FGD5: variants seen among roughly 807,000 people sequenced by gnomAD.
FGD5 encodes the protein FYVE, RhoGEF and PH domain containing 5, also known as FYVE, RhoGEF and PH domain-containing protein 5.
FGD5 carries 28 observed loss-of-function variants against 133.4 expected under a neutral mutation model. That is an observed-to-expected ratio of 0.21 (90% CI 0.16 to 0.29). The LOEUF (loss-of-function observed/expected upper bound fraction) is 0.29, where lower values mean the gene tolerates loss of function less well. FGD5 is among the 10% of genes least tolerant of loss of function. The pLI is 1.00. For synonymous variants in FGD5, 810 were observed against 776.5 expected, an observed-to-expected ratio of 1.04 and a Z score of -0.72; for missense variants, 1,858 against 1,895.2, an observed-to-expected ratio of 0.98 and a Z score of 0.36.
chr3:14,924,084 C>G lies in FGD5; in HGVS notation c.4014C>G (p.Ser1338Arg). 6.2e-7 allele frequency: 1 copy of G among 1,614,044 alleles called. No individual in the cohort carries two copies. The highest frequency in any genetic ancestry group is 8.5e-7 in the Non-Finnish European group (1 of 1,179,898). Residue 1338 changes from serine to arginine, a missense_variant, in exon 17 of 20, where the codon AGC (serine) becomes AGG (arginine). Ser to Arg is a moderately radical substitution (Grantham distance 110). Around this residue, in one of 3 missense-constraint regions of FGD5, gnomAD observed 1,824 missense variants for 1,848.9 expected, o/e 0.99. Coordinates refer to ENST00000285046, the MANE Select transcript of FGD5 (RefSeq NM_152536.4). ...SGSAFSSVFQ[S>R]INPSTFKKQK... ...GTGCCTTTTCATCCGTCTTCCAGAG[C>G]ATTAACCCCTCGACCTTCAAGAAGC...
chr3:14,891,745 C>T (rs1440608013), intron 4 of FGD5, among the ~76,000 whole-genome samples: 8 of 152,216 alleles, frequency 5.3e-5, no homozygotes, highest in Admixed American at 3.3e-4. Context: ...TTTTTAAACT[C>T]CACATCTGCT....
In FGD5 at chr3:14,923,140, A is replaced by G. The variant is rs747340294; in HGVS notation, c.3902A>G (p.Lys1301Arg). Reference protein sequence around the residue: ...KVCDGCFGELKKRGRAVPGLM... With the variant: ...KVCDGCFGELRKRGRAVPGLM... ...TGCGACGGCTGCTTCGGGGAGCTGAAGAAGCGGGGCAGGGCTGTCCCGGGC... is the reference window on the plus strand; with the variant it reads ...TGCGACGGCTGCTTCGGGGAGCTGAGGAAGCGGGGCAGGGCTGTCCCGGGC... Residue 1301 changes from lysine (K) to arginine (R), a missense_variant, in exon 16 of 20, where the codon AAG becomes AGG. This residue lies in a region of FGD5 where 1,824 missense variants were observed against 1,848.9 expected (regional missense o/e 0.99). Coordinates refer to ENST00000285046, the MANE Select transcript of FGD5 (RefSeq NM_152536.4). 9.3e-6 allele frequency: 15 copies of G among 1,613,824 alleles called. No homozygotes were observed. The highest frequency in any genetic ancestry group is 1.3e-5 in the Non-Finnish European group (15 of 1,179,860).
chr3:14,877,248 C>G (rs1320397999), intron 2 of FGD5, among the ~76,000 whole-genome samples: 2 of 152,258 alleles, frequency 1.3e-5, no homozygotes, highest in African/African-American at 4.8e-5. Flanking sequence ...GGCACACAGC[C>G]TGCCAGGCCT....
In FGD5 at chr3:14,922,096, C is replaced by G. The variant is rs759773286; in HGVS notation, c.3669+79C>G. 15 of 1,392,574 alleles carry G rather than the reference C, an allele frequency of 1.1e-5. No individual in the cohort carries two copies. The highest frequency in any genetic ancestry group is 4.6e-4 in the Middle Eastern group (2 of 4,342). 86.3% of individuals were successfully genotyped at this position (1,392,574 alleles called of 1,614,324 possible). A position where few individuals can be genotyped will look rare whatever the true frequency, so the allele number is the denominator to read the frequency against. ...CTGGGCGGGCATTGCTGTTGCCACT[C>G]ACACCCAGATGGACGTGTAGCTCCT... is the stretch of plus-strand genomic sequence containing the variant. On this transcript the variant is annotated intron_variant, in intron 14 of 19. Coordinates refer to ENST00000285046, the MANE Select transcript of FGD5 (RefSeq NM_152536.4). The surrounding 1 kb of genome is among the most constrained non-coding windows in gnomAD (Gnocchi z 4.1).
chr3:14,851,583 A>G (rs2037165833), intron 1 of FGD5, among the ~76,000 whole-genome samples: 1 of 152,220 alleles, frequency 6.6e-6, no homozygotes, highest in African/African-American at 2.4e-5. Context: ...AGGCACTTCC[A>G]GTGTCCCAAA....
chr3:14,821,321 G>T lies in FGD5; in HGVS notation c.2250G>T (p.Arg750=). The T allele has an allele frequency of 6.2e-7, 1 of 1,613,914 alleles. No individual in the cohort carries two copies. Among genetic ancestry groups the T allele is most frequent in the Non-Finnish European group, 8.5e-7 (1 of 1,179,892 alleles). ...TGGAGTCCTTTGAAGACCGCTCCCGGCCGCCCTTCCTGCCCTTGCCACTGA... is the reference window on the plus strand; with the variant it reads ...TGGAGTCCTTTGAAGACCGCTCCCGTCCGCCCTTCCTGCCCTTGCCACTGA... ...SRVESFEDRS[R]PPFLPLPLTK... is the part of the protein sequence containing the mutation. Residue 750 remains arginine, a synonymous_variant, in exon 1 of 20, where the codon CGG becomes CGT. Coordinates refer to ENST00000285046, the MANE Select transcript of FGD5 (RefSeq NM_152536.4).
At chr3:14,908,045 C>T (rs2125141306) in intron 10 of FGD5, among the ~76,000 whole-genome samples, 2 of 152,314 alleles carry the variant, frequency 1.3e-5, no homozygotes, top group Middle Eastern at 6.8e-3. Flanking sequence ...AAAATGATCT[C>T]CCAAGAGCAA....
Position 14,910,901 on chromosome 3 carries a change from A to G in FGD5, c.3377A>G (p.Lys1126Arg). ...GGGACGCTGATGAAAGTAACAGGGA[A>G]AAACAGACGGCCCCGGCACCTATTT... ...KEGTLMKVTG[K>R]NRRPRHLFLM... The change falls in exon 11 of 20, where the codon AAA (lysine) becomes AGA (arginine). Residue 1126 changes from lysine (K) to arginine (R), a missense_variant. By Grantham distance (26) the Lys-to-Arg change is conservative (BLOSUM62 2). Around this residue, in one of 3 missense-constraint regions of FGD5, gnomAD observed 1,824 missense variants for 1,848.9 expected, o/e 0.99. Transcript: ENST00000285046. The G allele has an allele frequency of 6.2e-7, 1 of 1,613,448 alleles. No homozygotes were observed. The highest frequency in any genetic ancestry group is 1.3e-5 in the African/African-American group (1 of 75,040).
rs763398706 is a variant in FGD5, at chr3:14,922,555, C to T, written c.3807+7C>T. ...CTGTCACGCCTGTGGCAAGGTGAGT[C>T]GCTGCATCTGGGGTGAGTGTGTGCA... On this transcript the variant is annotated splice_region_variant and intron_variant, in intron 15 of 19. Transcript: ENST00000285046. The surrounding 1 kb of genome is among the most constrained non-coding windows in gnomAD (Gnocchi z 4.1). The T allele has an allele frequency of 2.2e-5, 35 of 1,571,942 alleles. No homozygotes were observed. The highest frequency in any genetic ancestry group is 7.0e-5 in the East Asian group (3 of 42,848).
intron 18 of FGD5, among the ~76,000 whole-genome samples, chr3:14,928,659 C>A (rs942100090): frequency 6.6e-6 from 1 of 152,094 alleles, no homozygotes; most frequent in South Asian, 2.1e-4. Context: ...GCAGGAGAAT[C>A]GTTTGAACCC....
At chr3:14,868,982 TG>T (rs1191799937) in intron 2 of FGD5, among the ~76,000 whole-genome samples, 1 of 151,822 alleles carries the variant, frequency 6.6e-6, no homozygotes, top group Non-Finnish European at 1.5e-5. Flanking sequence ...TGGGATTAGG[TG>T]GTAACAAGTG....
intron 1 of FGD5, among the ~76,000 whole-genome samples, chr3:14,824,232 G>A (rs1026679365): frequency 2.0e-5 from 3 of 152,256 alleles, no homozygotes; most frequent in African/African-American, 7.2e-5. Context: ...ACTTTGGGCT[G>A]GAGCAGGTCT....
chr3:14,815,102 C>G (rs570972270), upstream of FGD5, among the ~76,000 whole-genome samples: 1 of 152,176 alleles, frequency 6.6e-6, no homozygotes, highest in Non-Finnish European at 1.5e-5. Flanking sequence ...ATGTGCATGT[C>G]CCTCTGCTCA....
At chr3:14,931,501 A>G (rs1426581863) in intron 18 of FGD5, 2 of 152,064 alleles carry the variant, frequency 1.3e-5, no homozygotes, top group African/African-American at 4.8e-5. Context: ...ATTCTATTCT[A>G]TACACAAACC....
At chr3:14,860,510 A>G (rs2037377178) in intron 1 of FGD5, among the ~76,000 whole-genome samples, 1 of 152,230 alleles carries the variant, frequency 6.6e-6, no homozygotes, top group Non-Finnish European at 1.5e-5. Flanking sequence ...ATAAAGAAGT[A>G]GAATAAGAGG....
chr3:14,917,905 G>T lies in FGD5; in HGVS notation c.3489+573G>T, dbSNP rs563355242. Among the ~76,000 whole-genome samples the T allele has an allele frequency of 1.1e-4, 16 of 152,150 alleles. No individual in the cohort carries two copies. Among genetic ancestry groups the T allele is most frequent in the Admixed American group, 2.0e-4 (3 of 15,278 alleles). ...TGAATTTGACTACTATGGGTACCTC[G>T]AATGAGGAGTCACACAGTATTGATC... On this transcript the variant is annotated intron_variant, in intron 12 of 19. Coordinates refer to ENST00000285046, the MANE Select transcript of FGD5 (RefSeq NM_152536.4). This position sits in a 1 kb window ranked among gnomAD's most constrained non-coding sequence, Gnocchi z 4.1.
intron 1 of FGD5, among the ~76,000 whole-genome samples, chr3:14,828,099 AT>A (rs1275056629): frequency 6.6e-6 from 1 of 152,086 alleles, no homozygotes; most frequent in African/African-American, 2.4e-5. Flanking sequence ...GAAATGACTC[AT>A]TTTGGGCAAG....
chr3:14,853,037 C>T (rs1455244453), intron 1 of FGD5, among the ~76,000 whole-genome samples: 1 of 151,064 alleles, frequency 6.6e-6, no homozygotes, highest in Non-Finnish European at 1.5e-5. Context: ...CGACGTAGCC[C>T]AGATGACGCA....
At chr3:14,909,949 A>G (rs2038415848) in intron 10 of FGD5, among the ~76,000 whole-genome samples, 2 of 151,876 alleles carry the variant, frequency 1.3e-5, no homozygotes, top group African/African-American at 2.4e-5. Context: ...TATTTTTAGT[A>G]GAGACAGAGT....
Sources: allele counts gnomAD v4.1 joint callset (sites outside exome capture counted in the v4.1 genomes callset), GRCh38; gene constraint gnomAD v4.1.1; regional missense constraint gnomAD v4.1.1; non-coding constraint Gnocchi (gnomAD v3.1); transcripts MANE v1.5; gene names NCBI Gene and HGNC (gene_info 2026-07-23, HGNC 2026-07-21).